DDAH1: variants seen among roughly 807,000 people sequenced by gnomAD.
The protein encoded by DDAH1 is N(G),N(G)-dimethylarginine dimethylaminohydrolase 1.
Under a neutral mutation model 28.8 loss-of-function variants are expected in DDAH1, and 19 were observed. That is an observed-to-expected ratio of 0.66 (90% CI 0.46 to 0.97). The LOEUF (loss-of-function observed/expected upper bound fraction) is 0.97. Among genes scored for constraint, DDAH1 ranks in the 50% least tolerant of loss-of-function variants. The probability of loss-of-function intolerance (pLI) is 0.00; values close to 1 mark genes in which losing one functional copy is unlikely to be tolerated. For synonymous variants in DDAH1, 153 were observed against 154.4 expected (o/e 0.99, Z 0.07); for missense variants, 326 against 375.9 (o/e 0.87, Z 1.10).
chr1:85,409,574 T>C (rs1459684286), intron 1 of DDAH1, among the ~76,000 whole-genome samples: 1 of 152,060 alleles, frequency 6.6e-6, no homozygotes, highest in Non-Finnish European at 1.5e-5. Context: ...GCCTAAAACG[T>C]TGTTTACCTT....
intron 1 of DDAH1, among the ~76,000 whole-genome samples, chr1:85,419,768 C>A (rs1054553202): frequency 3.3e-5 from 5 of 152,020 alleles, no homozygotes; most frequent in African/African-American, 9.7e-5. Context: ...ATCTAGGATC[C>A]AACATTGCAT....
intron 1 of DDAH1, among the ~76,000 whole-genome samples, chr1:85,555,550 A>G (rs1246101620): frequency 3.9e-5 from 6 of 152,198 alleles, no homozygotes; most frequent in African/African-American, 7.2e-5. Flanking sequence ...TGTCAAAGCT[A>G]TATTTGCAGG....
intron 2 of DDAH1, among the ~76,000 whole-genome samples, chr1:85,483,771 T>A (rs938065917): frequency 1.3e-5 from 2 of 152,188 alleles, no homozygotes; most frequent in African/African-American, 4.8e-5. Flanking sequence ...AAGTGGGGAC[T>A]CAGTGCTACA....
chr1:85,376,088 T>C (rs1473693678), intron 1 of DDAH1, among the ~76,000 whole-genome samples: 1 of 152,216 alleles, frequency 6.6e-6, no homozygotes, highest in Admixed American at 6.6e-5. Flanking sequence ...TCATTTATTC[T>C]GGGGTTCAAA....
chr1:85,473,199 C>T (rs12134668), intron 2 of DDAH1, among the ~76,000 whole-genome samples: 42,216 of 152,020 alleles, frequency 0.28, 5,813 homozygotes, highest in East Asian at 0.32. Flanking sequence ...GTGACAGTGT[C>T]TGTTTGGTAG....
chr1:85,364,528 T>G (rs1649959107), intron 1 of DDAH1, among the ~76,000 whole-genome samples: 1 of 151,786 alleles, frequency 6.6e-6, no homozygotes, highest in South Asian at 2.1e-4. Context: ...ATTCCTAAAT[T>G]TGTCCATATG....
chr1:85,371,490 T>C (rs951076228), intron 1 of DDAH1, among the ~76,000 whole-genome samples: 1 of 152,152 alleles, frequency 6.6e-6, no homozygotes, highest in African/African-American at 2.4e-5. Flanking sequence ...AACACAGTAA[T>C]ACTCTACCTC....
intron 1 of DDAH1, among the ~76,000 whole-genome samples, chr1:85,434,210 G>A (rs1322432841): frequency 1.3e-5 from 2 of 151,892 alleles, no homozygotes; most frequent in African/African-American, 2.4e-5. Context: ...TTAACATTTT[G>A]ATCCATCTTG....
At chr1:85,388,163 A>C (rs1356868252) in intron 1 of DDAH1, among the ~76,000 whole-genome samples, 1 of 152,180 alleles carries the variant, frequency 6.6e-6, no homozygotes, top group African/African-American at 2.4e-5. Flanking sequence ...CATCCAAACT[A>C]TATCACTCAA....
intron 2 of DDAH1, chr1:85,496,087 A>C (rs1179088066): frequency 4.1e-6 from 1 of 245,964 alleles, no homozygotes. Flanking sequence ...ACTTGAATGC[A>C]AGTACATTTT....
chr1:85,546,784 A>G (rs1215877528), intron 1 of DDAH1, among the ~76,000 whole-genome samples: 2 of 152,206 alleles, frequency 1.3e-5, no homozygotes, highest in Admixed American at 1.3e-4. Flanking sequence ...AGAACTTAGA[A>G]AAAAGCAACT....
At chr1:85,432,359 C>T (rs551140) in intron 1 of DDAH1, among the ~76,000 whole-genome samples, 13,930 of 152,168 alleles carry the variant, frequency 0.092, 705 homozygotes, top group African/African-American at 0.12. Context: ...TCCACCCATC[C>T]CTCCCAAAGC....
At chr1:85,560,830 T>A (rs1408301477) in intron 1 of DDAH1, among the ~76,000 whole-genome samples, 3 of 152,156 alleles carry the variant, frequency 2.0e-5, no homozygotes, top group Admixed American at 1.3e-4. Flanking sequence ...GAATCTTTAA[T>A]GTGTCTCTAA....
intron 1 of DDAH1, among the ~76,000 whole-genome samples, chr1:85,401,654 C>T (rs1378532077): frequency 2.0e-5 from 3 of 151,900 alleles, no homozygotes; most frequent in African/African-American, 7.3e-5. Flanking sequence ...CGCACACTAC[C>T]ATGCCCAGCT....
intron 2 of DDAH1, chr1:85,494,984 T>A (rs996770961): frequency 6.6e-6 from 1 of 152,244 alleles, no homozygotes; most frequent in Non-Finnish European, 1.5e-5. Context: ...TAGCCCCTGT[T>A]TTCCCACATT....
intron 1 of DDAH1, among the ~76,000 whole-genome samples, chr1:85,372,157 A>G (rs1650418864): frequency 6.6e-6 from 1 of 152,186 alleles, no homozygotes; most frequent in Admixed American, 6.5e-5. Context: ...GAAGCATGGC[A>G]AATGATTTTG....
At chr1:85,423,957 T>C (rs1242545023) in intron 1 of DDAH1, among the ~76,000 whole-genome samples, 9 of 152,172 alleles carry the variant, frequency 5.9e-5, no homozygotes, top group Admixed American at 4.6e-4. Context: ...AATGTTTTTT[T>C]CTCTACACAT....
chr1:85,477,275 G>T (rs759290772), intron 2 of DDAH1, among the ~76,000 whole-genome samples: 5 of 152,134 alleles, frequency 3.3e-5, no homozygotes, highest in Admixed American at 6.5e-5. Flanking sequence ...AAAGCTGAGG[G>T]TCAGCTCCTG....
intron 2 of DDAH1, chr1:85,494,125 C>T (rs1656498348): frequency 6.6e-6 from 1 of 152,148 alleles, no homozygotes; most frequent in African/African-American, 2.4e-5. Flanking sequence ...AGCATCTTTG[C>T]ATTGTCTGGA....
Sources: gnomAD v4.1 joint callset for allele counts (sites outside exome capture counted in the v4.1 genomes callset) on GRCh38, gnomAD v4.1.1 for gene constraint, MANE v1.5 for transcripts, NCBI Gene and HGNC (gene_info 2026-07-23, HGNC 2026-07-21) for gene names.